Variants in SUPT3H observed in about 807,000 individuals in gnomAD.
SUPT3H encodes the protein SPT3 homolog, SAGA and STAGA complex component.
A neutral mutation model predicts 44.3 loss-of-function variants in SUPT3H; 44 were observed. That is an observed-to-expected ratio of 0.99 (90% confidence interval 0.78 to 1.28). SUPT3H has a LOEUF of 1.28. Ranked by LOEUF, SUPT3H falls within the 50% of genes most tolerant of loss-of-function variation. SUPT3H has a pLI of 0.00. For missense variants in SUPT3H, 380 were observed against 387.1 expected (o/e 0.98, Z 0.15); for synonymous variants, 124 against 125.6 (o/e 0.99, Z 0.09).
chr6:45,253,847 G>GTATATATATATATATATA (rs1772807099), intron 2 of SUPT3H, among the ~76,000 whole-genome samples: 1 of 22,634 alleles, frequency 4.4e-5, no homozygotes, highest in African/African-American at 1.4e-4. Flanking sequence ...ACACATATAC[G>GTATATATATATATATATA]CATATATATA....
At chr6:45,172,295 T>C (rs1241734022) in intron 2 of SUPT3H, among the ~76,000 whole-genome samples, 1 of 149,768 alleles carries the variant, frequency 6.7e-6, no homozygotes, top group Non-Finnish European at 1.5e-5. Context: ...ATGGTCTCGA[T>C]CTCTGGACCT....
chr6:45,306,436 G>C (rs1038092314), intron 2 of SUPT3H, among the ~76,000 whole-genome samples: 3 of 152,110 alleles, frequency 2.0e-5, no homozygotes, highest in African/African-American at 7.2e-5. Context: ...TCGGCTGGCA[G>C]AGCTACACAG....
intron 2 of SUPT3H, among the ~76,000 whole-genome samples, chr6:45,157,039 A>G (rs190683571): frequency 1.1e-3 from 173 of 152,244 alleles, no homozygotes; most frequent in African/African-American, 3.9e-3. Flanking sequence ...GCAACTTCCA[A>G]TAATTTTCCA....
At chr6:44,936,658 A>C (rs752499184) in intron 9 of SUPT3H, among the ~76,000 whole-genome samples, 3 of 152,126 alleles carry the variant, frequency 2.0e-5, no homozygotes, top group Non-Finnish European at 4.4e-5. Context: ...GTTGTAAAAA[A>C]TATTATTTCG....
At chr6:45,127,273 C>A (rs761832236) in intron 2 of SUPT3H, among the ~76,000 whole-genome samples, 17 of 152,108 alleles carry the variant, frequency 1.1e-4, no homozygotes, top group Non-Finnish European at 1.8e-4. Context: ...GAGATCGTGC[C>A]ACCAAACTCC....
At chr6:45,330,689 C>T (rs909460765) in intron 2 of SUPT3H, among the ~76,000 whole-genome samples, 1 of 151,826 alleles carries the variant, frequency 6.6e-6, no homozygotes, top group Non-Finnish European at 1.5e-5. Context: ...CAAAACTTGA[C>T]AGGATTCTAA....
intron 2 of SUPT3H, among the ~76,000 whole-genome samples, chr6:45,200,429 A>T (rs1212224544): frequency 6.6e-6 from 1 of 151,554 alleles, no homozygotes; most frequent in Non-Finnish European, 1.5e-5. Flanking sequence ...AAAATGTCTA[A>T]AGTATATCCC....
chr6:45,252,035 C>T (rs1408534752), intron 2 of SUPT3H, among the ~76,000 whole-genome samples: 2 of 152,076 alleles, frequency 1.3e-5, no homozygotes, highest in South Asian at 2.1e-4. Flanking sequence ...AAATAACCAG[C>T]CGACCAGAAG....
At chr6:45,118,129 C>T (rs1324385202) in intron 2 of SUPT3H, among the ~76,000 whole-genome samples, 1 of 151,780 alleles carries the variant, frequency 6.6e-6, no homozygotes, top group Non-Finnish European at 1.5e-5. Flanking sequence ...AAATAATAAC[C>T]CTTTATAGAT....
chr6:44,969,406 A>AT (rs139569046), intron 6 of SUPT3H, among the ~76,000 whole-genome samples: 67 of 149,934 alleles, frequency 4.5e-4, no homozygotes, highest in South Asian at 1.5e-3. Flanking sequence ...CATTTCAGTA[A>AT]TTTTTTTTTT....
rs1784991202 is a variant in SUPT3H at position 45,020,617 on chromosome 6, C to T, written c.202G>A (p.Glu68Lys). The change falls in exon 4 of 11, where the codon GAA becomes AAA. Residue 68 changes from glutamate to lysine, a missense_variant. By Grantham distance (56) the Glu-to-Lys change is moderately conservative. Transcript: ENST00000371459. The part of the protein sequence containing the change: ...QLINLLQQAA[E>K]VSQLRGARVI... ...CTTGCTCCCCGCAGCTGAGAAACTT[C>T]AGCAGCTTGCTGTAACTAACAATAA... 8.7e-6 allele frequency: 14 copies of T among 1,610,446 alleles called. No individual in the cohort carries two copies. The East Asian group carries it at 3.1e-4, about 36-fold the overall frequency.
At chr6:45,065,726 C>T (rs1793169043) in intron 3 of SUPT3H, among the ~76,000 whole-genome samples, 1 of 151,426 alleles carries the variant, frequency 6.6e-6, no homozygotes, top group Admixed American at 6.6e-5. Context: ...TGGATAAATT[C>T]CTCAACACAT....
At chr6:45,072,774 C>A (rs1488142533) in intron 3 of SUPT3H, among the ~76,000 whole-genome samples, 3 of 151,972 alleles carry the variant, frequency 2.0e-5, no homozygotes, top group Non-Finnish European at 4.4e-5. Flanking sequence ...CTTTGTGTTA[C>A]CAAGGCTGCC....
rs968597021 is a variant in SUPT3H, at chr6:45,102,768, TTG to T, written c.186+3152_186+3153del. Among the ~76,000 whole-genome samples the T allele has an allele frequency of 8.6e-5, 13 of 151,918 alleles. 1 individual carries two copies. The highest frequency in any genetic ancestry group is 3.1e-4 in the African/African-American group (13 of 41,456). On this transcript the variant is annotated intron_variant, in intron 3 of 10. Transcript: ENST00000371459. ...CCAGCCTGGCCAATATGGTGAAACC[TTG>T]TCTCTCCTAAAAATACAAAAAATTA...
intron 10 of SUPT3H, among the ~76,000 whole-genome samples, chr6:44,923,488 G>C (rs955817296): frequency 7.2e-5 from 11 of 152,104 alleles, no homozygotes; most frequent in Admixed American, 6.5e-4. Flanking sequence ...TGGAATTTAG[G>C]TTTTGTTTTT....
intron 2 of SUPT3H, among the ~76,000 whole-genome samples, chr6:45,252,982 G>A (rs1476853815): frequency 6.6e-6 from 1 of 151,914 alleles, no homozygotes; most frequent in African/African-American, 2.4e-5. Context: ...GTTATTCATA[G>A]AGGGCTATGA....
chr6:44,990,084 AG>A (rs1199060743), intron 6 of SUPT3H, among the ~76,000 whole-genome samples: 1 of 152,176 alleles, frequency 6.6e-6, no homozygotes, highest in African/African-American at 2.4e-5. Context: ...GCCAACGTCA[AG>A]GAGCTTTGCC....
chr6:45,207,509 A>G (rs1257526065), intron 2 of SUPT3H, among the ~76,000 whole-genome samples: 3 of 152,206 alleles, frequency 2.0e-5, no homozygotes, highest in Non-Finnish European at 4.4e-5. Flanking sequence ...TGTATGATCT[A>G]GATGTTGTGT....
intron 2 of SUPT3H, among the ~76,000 whole-genome samples, chr6:45,119,255 T>A (rs889118402): frequency 1.3e-5 from 2 of 152,212 alleles, no homozygotes; most frequent in Non-Finnish European, 2.9e-5. Context: ...TGTAGTTACA[T>A]AGTCATACTT....
Sources: gnomAD v4.1 joint callset for allele counts (sites outside exome capture counted in the v4.1 genomes callset) on GRCh38, gnomAD v4.1.1 for gene constraint, MANE v1.5 for transcripts, NCBI Gene and HGNC (gene_info 2026-07-23, HGNC 2026-07-21) for gene names.